The following ICA1 variants were observed in gnomAD, a reference collection of about 807,000 sequenced individuals.
ICA1 encodes islet cell autoantigen 1.
In ICA1, 40 loss-of-function variants were observed where a neutral mutation model predicts 71.0. The ratio of observed to expected loss-of-function variants is 0.56; its 90% CI spans 0.44 to 0.73. The LOEUF (loss-of-function observed/expected upper bound fraction) is 0.73. Among genes scored for constraint, ICA1 ranks in the 30% least tolerant of loss-of-function variants. The pLI is 0.00. For missense variants in ICA1, 578 were observed against 576.5 expected (o/e 1.00, Z -0.03); for synonymous variants, 207 against 209.5 (o/e 0.99, Z 0.10).
At chr7:8,215,272 G>A (rs149825242) in intron 6 of ICA1, among the ~76,000 whole-genome samples, 227 of 152,184 alleles carry the variant, frequency 1.5e-3, no homozygotes, top group African/African-American at 5.2e-3. Flanking sequence ...TTCTAAGCAC[G>A]CTGCTCCTTT....
intron 13 of ICA1, among the ~76,000 whole-genome samples, chr7:8,115,857 A>G (rs1003169033): frequency 1.3e-5 from 2 of 152,192 alleles, no homozygotes; most frequent in Non-Finnish European, 2.9e-5. Context: ...CAACTATGAA[A>G]CCTGGCCCTT....
At chr7:8,211,106 C>T (rs982373408) in intron 6 of ICA1, among the ~76,000 whole-genome samples, 8 of 152,350 alleles carry the variant, frequency 5.3e-5, no homozygotes, top group South Asian at 2.1e-4. Flanking sequence ...GAACGATAAA[C>T]ACCATTTACT....
At chr7:8,220,644 G>A (rs950027245) in intron 5 of ICA1, among the ~76,000 whole-genome samples, 59 of 149,258 alleles carry the variant, frequency 4.0e-4, no homozygotes, top group African/African-American at 1.4e-3. Flanking sequence ...AATGAGTCAC[G>A]GTTGTGTTAA....
At chr7:8,184,272 T>C (rs770735226) in intron 6 of ICA1, among the ~76,000 whole-genome samples, 55 of 152,242 alleles carry the variant, frequency 3.6e-4, no homozygotes, top group Admixed American at 1.4e-3. Flanking sequence ...TAGAGTAATA[T>C]GGAGCCTTAC....
chr7:8,224,364 A>G (rs1037460936), intron 4 of ICA1, among the ~76,000 whole-genome samples: 1 of 152,174 alleles, frequency 6.6e-6, no homozygotes, highest in Non-Finnish European at 1.5e-5. Flanking sequence ...CTGGGGCCAG[A>G]TCACGTCCTA....
chr7:8,166,743 C>A (rs905866313), intron 6 of ICA1, among the ~76,000 whole-genome samples: 2 of 152,158 alleles, frequency 1.3e-5, no homozygotes, highest in Non-Finnish European at 2.9e-5. Context: ...AACTATGTAT[C>A]TGGCAAGGGT....
intron 6 of ICA1, among the ~76,000 whole-genome samples, chr7:8,183,712 A>C (rs566388632): frequency 1.8e-4 from 27 of 152,326 alleles, no homozygotes; most frequent in African/African-American, 6.0e-4. Context: ...CTTTCTTTAA[A>C]ACTGTAATGC....
rs111987275 is a variant in ICA1, at chr7:8,135,317, G to A, written c.1060+3523C>T. Among the ~76,000 whole-genome samples the A allele has an allele frequency of 2.5e-3, 373 of 152,148 alleles. 3 individuals carry two copies. Among genetic ancestry groups the A allele is most frequent in the African/African-American group, 8.6e-3 (356 of 41,514 alleles). On this transcript the variant is annotated intron_variant, in intron 12 of 13. Transcript: ENST00000402384. ...GCTGGGATTACAAGTGTGAGCCACC[G>A]CGCCCGGCCAGAATCTTTATAGAAA...
At chr7:8,237,658 T>C (rs1802275763) in intron 1 of ICA1, among the ~76,000 whole-genome samples, 1 of 152,214 alleles carries the variant, frequency 6.6e-6, no homozygotes, top group Non-Finnish European at 1.5e-5. Context: ...TTGACTACTT[T>C]AGATACCTCA....
At chr7:8,165,899 C>T (rs1364109933) in intron 6 of ICA1, among the ~76,000 whole-genome samples, 2 of 152,156 alleles carry the variant, frequency 1.3e-5, no homozygotes, top group African/African-American at 4.8e-5. Context: ...ATATTCCATG[C>T]TCATGGATAG....
chr7:8,226,272 T>A lies in ICA1; in HGVS notation c.256+2329A>T, dbSNP rs1028192126. On this transcript the variant is annotated intron_variant, in intron 4 of 13. Transcript: ENST00000402384. The surrounding 1 kb of genome is among the most constrained non-coding windows in gnomAD (Gnocchi z 4.4). ...TTCCCCACTCCTCATCCACCACTGG[T>A]ATCCAGTCTCTTTCGTTTCTGGTTT... Among the ~76,000 whole-genome samples, 10 of 152,168 alleles carry A rather than the reference T, an allele frequency of 6.6e-5. No individual in the cohort carries two copies. Among genetic ancestry groups the A allele is most frequent in the Admixed American group, 3.3e-4 (5 of 15,268 alleles).
intron 10 of ICA1, among the ~76,000 whole-genome samples, chr7:8,139,840 AAAGT>A (rs1323226841): frequency 6.6e-6 from 1 of 152,212 alleles, no homozygotes; most frequent in Non-Finnish European, 1.5e-5. Flanking sequence ...TCTAAACAAT[AAAGT>A]GTGTCTGTGT....
At position 8,123,461 on chromosome 7, in the gene ICA1, G is replaced by C. The variant is rs1416965230; in HGVS notation, c.1330+4412C>G. On this transcript the variant is annotated intron_variant, in intron 13 of 13. Transcript: ENST00000402384. This position sits in a 1 kb window ranked among gnomAD's most constrained non-coding sequence, Gnocchi z 4.1. The stretch of plus-strand genomic sequence containing the variant: ...GGCCCAGAGCTTGCACTTCAGTCCT[G>C]GTGCCTGTCCCCGAGGACTCGGTGC... 6.6e-6 allele frequency among the ~76,000 whole-genome samples: 1 copy of C among 152,162 alleles called. No individual in the cohort carries two copies. The highest frequency in any genetic ancestry group is 1.5e-5 in the Non-Finnish European group (1 of 68,026).
At chr7:8,161,929 G>A (rs953221151) in intron 6 of ICA1, among the ~76,000 whole-genome samples, 1 of 152,196 alleles carries the variant, frequency 6.6e-6, no homozygotes, top group Admixed American at 6.5e-5. Flanking sequence ...TAAACTGTAA[G>A]GAAACAGACA....
At chr7:8,238,694 G>C (rs563015034) in intron 1 of ICA1, among the ~76,000 whole-genome samples, 37 of 152,066 alleles carry the variant, frequency 2.4e-4, no homozygotes, top group African/African-American at 4.3e-4. Context: ...CATAGTGTAA[G>C]TTCTTATAGT....
chr7:8,136,548 G>A (rs551382974), intron 12 of ICA1, among the ~76,000 whole-genome samples: 6 of 152,144 alleles, frequency 3.9e-5, no homozygotes, highest in Admixed American at 2.0e-4. Context: ...TATTTAAGCC[G>A]ACGCTACCCT....
chr7:8,249,945 G>A (rs1807556530), intron 1 of ICA1, among the ~76,000 whole-genome samples: 1 of 152,182 alleles, frequency 6.6e-6, no homozygotes, highest in African/African-American at 2.4e-5. Flanking sequence ...AGAAAGAGAT[G>A]AGGAAGAACT....
At position 8,234,165 on chromosome 7, in the gene ICA1, G is replaced by A. The variant is rs148081555; in HGVS notation, c.18-1410C>T. Among the ~76,000 whole-genome samples the A allele has an allele frequency of 3.6e-3, 552 of 152,264 alleles. 2 individuals are homozygous for A. The highest frequency in any genetic ancestry group is 5.9e-3 in the Non-Finnish European group (404 of 68,014). ...CAGGAGTTTGAGGCTGCAGGGAGCC[G>A]TGATCACACCACTGCACTTCATCCT... is the stretch of plus-strand genomic sequence containing the variant. On this transcript the variant is annotated intron_variant, in intron 2 of 13. Coordinates refer to ENST00000402384, the MANE Select transcript of ICA1 (RefSeq NM_001136020.3). This position sits in a 1 kb window ranked among gnomAD's most constrained non-coding sequence, Gnocchi z 4.5.
At position 8,120,292 on chromosome 7, in the gene ICA1, G is replaced by C. The variant is rs184961994; in HGVS notation, c.1331-6248C>G. 1.7e-4 allele frequency among the ~76,000 whole-genome samples: 26 copies of C among 152,288 alleles called. No homozygotes were observed. In the East Asian group the frequency reaches 4.6e-3, roughly 27 times the overall value. The stretch of plus-strand genomic sequence containing the variant: ...TACATGCGCATGAAGAGATAAAATA[G>C]TATGTCTATGACACCGACTATTTAT... On this transcript the variant is annotated intron_variant, in intron 13 of 13. Coordinates refer to ENST00000402384, the MANE Select transcript of ICA1 (RefSeq NM_001136020.3).
Sources: gnomAD v4.1 joint callset for allele counts (sites outside exome capture counted in the v4.1 genomes callset) on GRCh38, gnomAD v4.1.1 for gene constraint, Gnocchi (gnomAD v3.1) non-coding constraint, MANE v1.5 for transcripts, NCBI Gene and HGNC (gene_info 2026-07-23, HGNC 2026-07-21) for gene names.